Variants in CC2D2B observed in about 807,000 individuals in gnomAD.
CC2D2B encodes the protein protein CC2D2B.
CC2D2B carries 128 observed loss-of-function variants against 161.2 expected under a neutral mutation model. That is an observed-to-expected ratio of 0.79 (90% CI 0.69 to 0.92). The LOEUF (loss-of-function observed/expected upper bound fraction) is 0.92. Ranked by LOEUF, CC2D2B falls within the 40% of genes least tolerant of loss-of-function variation. The pLI is 0.00. For synonymous variants in CC2D2B, 391 were observed against 449.8 expected (o/e 0.87, Z 1.65); for missense variants, 1,173 against 1,375.1 (o/e 0.85, Z 2.32).
chr10:95,937,498 C>T (rs1181823666), intron 6 of CC2D2B, among the ~76,000 whole-genome samples: 9 of 151,488 alleles, frequency 5.9e-5, no homozygotes, highest in Non-Finnish European at 1.5e-5. Flanking sequence ...CTCTACTAGA[C>T]TTCTATGCTG....
intron 24 of CC2D2B, among the ~76,000 whole-genome samples, chr10:95,998,547 CAG>C (rs143523605): frequency 3.0e-4 from 45 of 149,538 alleles, no homozygotes; most frequent in Admixed American, 5.3e-4. Flanking sequence ...AGGATGTAGA[CAG>C]AGAGAGAGAG....
rs1005001130 is a variant in CC2D2B, at chr10:96,027,183, A to G, written c.3948-29A>G. On this transcript the variant is annotated intron_variant, in intron 33 of 34. Transcript: ENST00000646931. ...TTTACCAAATGAGTTATAACTTGTC[A>G]TAAAATTACCTTTGGATTCTTACCT... The G allele has an allele frequency of 6.9e-6, 10 of 1,454,284 alleles. No homozygotes were observed. The African/African-American group carries it at 1.3e-4, about 19-fold the overall frequency. 90.1% of individuals were successfully genotyped at this position (1,454,284 alleles called of 1,614,324 possible). A position where few individuals can be genotyped will look rare whatever the true frequency, so the allele number is the denominator to read the frequency against.
intron 11 of CC2D2B, among the ~76,000 whole-genome samples, chr10:95,958,969 A>G (rs1006837754): frequency 6.6e-6 from 1 of 152,200 alleles, no homozygotes; most frequent in Non-Finnish European, 1.5e-5. Flanking sequence ...AAGTGGAAAA[A>G]GTGAGACAGC....
intron 24 of CC2D2B, among the ~76,000 whole-genome samples, chr10:95,998,897 C>G (rs909589161): frequency 4.6e-5 from 7 of 152,036 alleles, no homozygotes; most frequent in African/African-American, 1.7e-4. Flanking sequence ...GGGTGGATCA[C>G]TAGAGGTCAA....
intron 9 of CC2D2B, among the ~76,000 whole-genome samples, chr10:95,944,196 T>A (rs1488570236): frequency 6.6e-6 from 1 of 152,154 alleles, no homozygotes; most frequent in Non-Finnish European, 1.5e-5. Flanking sequence ...CTGACAGAAG[T>A]TCACTGGCAT....
At chr10:95,994,837 T>C (rs2078168482) in intron 22 of CC2D2B, among the ~76,000 whole-genome samples, 1 of 152,254 alleles carries the variant, frequency 6.6e-6, no homozygotes, top group South Asian at 2.1e-4. Flanking sequence ...ATAATGTCCA[T>C]GATCATCTCT....
At chr10:96,006,022 A>C (rs1410123586) in intron 25 of CC2D2B, among the ~76,000 whole-genome samples, 2 of 150,318 alleles carry the variant, frequency 1.3e-5, no homozygotes, top group Non-Finnish European at 3.0e-5. Flanking sequence ...ATTTTTAAAA[A>C]ATTATTTAAT....
chr10:95,937,851 C>T, intron 6 of CC2D2B, 140 bp from the exon 7 acceptor site: 1 of 613,510 alleles, frequency 1.6e-6, no homozygotes, highest in Admixed American at 3.1e-5. Flanking sequence ...CATTGTAACA[C>T]AAGTTCAACT....
At chr10:95,995,723 T>C (rs1277916759) in intron 23 of CC2D2B, among the ~76,000 whole-genome samples, 1 of 152,248 alleles carries the variant, frequency 6.6e-6, no homozygotes, top group East Asian at 1.9e-4. Flanking sequence ...ATCCATGTTA[T>C]TGTCCAAAGG....
At position 95,983,168 on chromosome 10, in the gene CC2D2B, T is replaced by C. The variant is rs541093187; in HGVS notation, c.2083-438T>C. On this transcript the variant is annotated intron_variant, in intron 18 of 34. Transcript: ENST00000646931. ...ATGGCAGCTAGCACTATTCCTCGTG[T>C]GTACTATGCACTCACATTTGCATTT... Among the ~76,000 whole-genome samples the C allele has an allele frequency of 2.0e-5, 3 of 152,358 alleles. No homozygotes were observed. The East Asian group carries it at 5.8e-4, about 29-fold the overall frequency.
In CC2D2B at chr10:95,979,172, GT is replaced by G. The variant is rs797010779; in HGVS notation, c.1944-2788del. Among the ~76,000 whole-genome samples the G allele has an allele frequency of 9.5e-3, 1,257 of 132,460 alleles. 9 individuals carry two copies. The highest frequency in any genetic ancestry group is 0.027 in the African/African-American group (970 of 36,580). The allele number at this position is 132,460 out of a possible 152,430, so 86.9% of individuals were successfully genotyped here. A position where few individuals can be genotyped will look rare whatever the true frequency, so the allele number is the denominator to read the frequency against. On this transcript the variant is annotated intron_variant, in intron 17 of 34. Coordinates refer to ENST00000646931, the MANE Select transcript of CC2D2B (RefSeq NM_001349008.3). Reference sequence around the variant, plus strand: ...ATTTATACGTTTCTGGGTTTTTGGTGTTTTTTTTTTTTTTTCCTCTCTCTCC... The same window carrying G: ...ATTTATACGTTTCTGGGTTTTTGGTGTTTTTTTTTTTTTTCCTCTCTCTCC...
At position 95,924,311 on chromosome 10, in the gene CC2D2B, T is replaced by C. The variant is rs968047796; in HGVS notation, c.98-3T>C. 2.0e-6 allele frequency: 3 copies of C among 1,472,222 alleles called. No individual in the cohort carries two copies. Among genetic ancestry groups the C allele is most frequent in the East Asian group, 2.6e-5 (1 of 39,076 alleles). The allele number at this position is 1,472,222 out of a possible 1,614,324, so 91.2% of individuals were successfully genotyped here. ...ACTCTTTATTATGTTGGTTTCCTGA[T>C]AGATTTAGATGCAGAAGAAAATCAA... On this transcript the variant is annotated splice_polypyrimidine_tract_variant and splice_region_variant and intron_variant, in intron 3 of 34. Transcript: ENST00000646931.
chr10:96,014,468 A>T (rs2079108306), intron 29 of CC2D2B, among the ~76,000 whole-genome samples: 1 of 152,184 alleles, frequency 6.6e-6, no homozygotes, highest in African/African-American at 2.4e-5. Flanking sequence ...TTCAGCTTAA[A>T]TCATGTTTGT....
chr10:95,976,485 C>T (rs1179823397), intron 17 of CC2D2B, among the ~76,000 whole-genome samples: 1 of 152,208 alleles, frequency 6.6e-6, no homozygotes, highest in African/African-American at 2.4e-5. Flanking sequence ...AGGGCCCTCT[C>T]TAAGTCAAAC....
At chr10:95,932,395 G>A (rs1317659540) in intron 6 of CC2D2B, among the ~76,000 whole-genome samples, 1 of 152,114 alleles carries the variant, frequency 6.6e-6, no homozygotes, top group East Asian at 1.9e-4. Context: ...GATTAATATT[G>A]TTCTGTGTGA....
At chr10:95,926,815 A>AGTGTGTGTGTGT (rs71486778) in intron 5 of CC2D2B, among the ~76,000 whole-genome samples, 12,272 of 134,762 alleles carry the variant, frequency 0.091, 783 homozygotes, top group African/African-American at 0.15. Context: ...CTGAGGTGGC[A>AGTGTGTGTGTGT]GTGTGTGTGT....
chr10:95,936,032 A>G (rs1055884249), intron 6 of CC2D2B, among the ~76,000 whole-genome samples: 10 of 152,214 alleles, frequency 6.6e-5, no homozygotes, highest in Admixed American at 2.6e-4. Flanking sequence ...GCATCCCACA[A>G]TTTGGGTTAA....
intron 23 of CC2D2B, 116 bp from the exon 24 acceptor site, chr10:95,996,027 A>G (rs2078217621): frequency 4.7e-6 from 2 of 423,936 alleles, no homozygotes; most frequent in Middle Eastern, 5.9e-4. Flanking sequence ...AATAATGGTC[A>G]TTTGAAAAAC....
At chr10:95,929,955 G>A (rs1209038264) in intron 6 of CC2D2B, among the ~76,000 whole-genome samples, 1 of 152,056 alleles carries the variant, frequency 6.6e-6, no homozygotes, top group African/African-American at 2.4e-5. Flanking sequence ...GCTTGATGGG[G>A]ATAGCATTGA....
Sources: gnomAD v4.1 joint callset for allele counts (sites outside exome capture counted in the v4.1 genomes callset) on GRCh38, gnomAD v4.1.1 for gene constraint, MANE v1.5 for transcripts, NCBI Gene and HGNC (gene_info 2026-07-23, HGNC 2026-07-21) for gene names.